The following PKD1 variants were observed in gnomAD, a reference collection of about 807,000 sequenced individuals.
PKD1 encodes polycystin 1, transient receptor potential channel interacting.
A neutral mutation model predicts 361.7 loss-of-function variants in PKD1; 81 were observed. The observed-to-expected ratio is 0.22, with a 90% CI of 0.19 to 0.27. The LOEUF is 0.27. Ranked by LOEUF, PKD1 falls within the 10% of genes least tolerant of loss-of-function variation. PKD1 has a pLI of 1.00. For synonymous variants in PKD1, 3,615 were observed against 2,818.3 expected (o/e 1.28, Z -8.95); for missense variants, 6,399 against 6,118.3 (o/e 1.05, Z -1.53).
In PKD1 at chr16:2,110,216, G is replaced by A; in HGVS notation, c.4951C>T (p.Gln1651Ter). Residue 1651 changes from glutamine to a stop codon, truncating the protein, a stop_gained, in exon 15 of 46, where the codon CAG becomes TAG. Transcript: ENST00000262304. LOFTEE classifies it high-confidence loss of function. The part of the protein sequence containing the change: ...GRYFPTNHTV[Q>*]LQAVVRDGTN... ...CCATCCCTAACCACGGCCTGCAGCT[G>A]TACCGTGTGGTTGGTGGGGAAGTAG... 1 of 1,611,978 alleles carries A rather than the reference G, an allele frequency of 6.2e-7. No individual in the cohort carries two copies. Among genetic ancestry groups the A allele is most frequent in the Non-Finnish European group, 8.5e-7 (1 of 1,179,800 alleles).
At position 2,089,716 on chromosome 16, in the gene PKD1, A is replaced by G; in HGVS notation, c.*11T>C. On this transcript the variant is annotated 3_prime_UTR_variant, in exon 46 of 46. Transcript: ENST00000262304. ...TCCGACTCCACGGCCCACCCCCGCC[A>G]GGAAGGAGGACTAAGTGCTGCTGGG... 2 of 1,572,342 alleles carry G rather than the reference A, an allele frequency of 1.3e-6. No homozygotes were observed. Among genetic ancestry groups the G allele is most frequent in the African/African-American group, 2.7e-5 (2 of 74,522 alleles).
At chr16:2,092,682 C>G (rs1274208180) in intron 38 of PKD1, 90 bp from the exon 39 acceptor site, 3 of 979,070 alleles carry the variant, frequency 3.1e-6, no homozygotes, top group African/African-American at 1.6e-5. Context: ...AACATGGCTC[C>G]CACTGCCCTG....
chr16:2,090,989 G>C lies in PKD1; in HGVS notation c.11898C>G (p.Phe3966Leu). The C allele has an allele frequency of 1.3e-6, 2 of 1,536,154 alleles. No individual in the cohort carries two copies. Among genetic ancestry groups the C allele is most frequent in the South Asian group, 1.2e-5 (1 of 84,438 alleles). ...TGAAGCGGCGCGGGCGGCCGCGCACGAAACGGGTCCACTGGCGGTCAGCGG... is the reference window on the plus strand; with the variant it reads ...TGAAGCGGCGCGGGCGGCCGCGCACCAAACGGGTCCACTGGCGGTCAGCGG... ...LGAADRQWTR[F>L]VRGRPRRFTS... is the part of the protein sequence containing the mutation. Residue 3966 changes from phenylalanine (F) to leucine (L), a missense_variant, in exon 43 of 46, where the codon TTC becomes TTG. By Grantham distance (22) the Phe-to-Leu change is conservative. Transcript: ENST00000262304.
At position 2,111,665 on chromosome 16, in the gene PKD1, G is replaced by C. The variant is rs146887330; in HGVS notation, c.3502C>G (p.Pro1168Ala). 1.9e-5 allele frequency: 30 copies of C among 1,574,980 alleles called. No homozygotes were observed. Among genetic ancestry groups the C allele is most frequent in the Admixed American group, 1.3e-4 (7 of 54,292 alleles). ...GCCGGCTGGCTCTGGGTCAGGACAG[G>C]GGAGCCGTCCCCGAAGTCCCACGTG... ...LYTWDFGDGS[P>A]VLTQSQPAAN... The change falls in exon 15 of 46, where the codon CCT becomes GCT. Residue 1168 changes from proline to alanine, a missense_variant. Pro to Ala is a conservative substitution (Grantham distance 27). Transcript: ENST00000262304.
In PKD1 at chr16:2,090,276, C is replaced by T. The variant is rs774210911; in HGVS notation, c.12444+9G>A. The T allele has an allele frequency of 3.7e-6, 6 of 1,608,720 alleles. No individual in the cohort carries two copies. Among genetic ancestry groups the T allele is most frequent in the Admixed American group, 1.7e-5 (1 of 59,762 alleles). On this transcript the variant is annotated intron_variant, in intron 45 of 45. Transcript: ENST00000262304. The stretch of plus-strand genomic sequence containing the variant: ...CGTGTCCCTCTCCCCCCCACTGGGC[C>T]GTACCCACCTCCTTGACCTTGCTGA...
intron 1 of PKD1, among the ~76,000 whole-genome samples, chr16:2,130,616 C>T (rs1311730116): frequency 2.0e-5 from 3 of 152,228 alleles, no homozygotes; most frequent in African/African-American, 7.2e-5. Flanking sequence ...GAGCCAGGGG[C>T]CCCTCCGTGG....
intron 21 of PKD1, among the ~76,000 whole-genome samples, chr16:2,104,973 G>A (rs1345616840): frequency 3.5e-5 from 3 of 84,946 alleles, no homozygotes; most frequent in East Asian, 3.5e-4. Flanking sequence ...AAGGGCTAGG[G>A]GAGGGGAGGA....
At chr16:2,131,295 A>T (rs2092875586) in intron 1 of PKD1, among the ~76,000 whole-genome samples, 1 of 151,416 alleles carries the variant, frequency 6.6e-6, no homozygotes, top group Non-Finnish European at 1.5e-5. Flanking sequence ...GAGGATCACG[A>T]GGTCAGGAGA....
chr16:2,132,646 A>G (rs1163242755), intron 1 of PKD1, among the ~76,000 whole-genome samples: 1 of 151,678 alleles, frequency 6.6e-6, no homozygotes, highest in East Asian at 1.9e-4. Flanking sequence ...TTGGCTCTTA[A>G]TTCAAACTAT....
In PKD1 at chr16:2,131,075, A is replaced by G. The variant is rs1184849806; in HGVS notation, c.215+4400T>C. 3.3e-5 allele frequency among the ~76,000 whole-genome samples: 5 copies of G among 152,328 alleles called. No homozygotes were observed. The East Asian group carries it at 9.6e-4, about 29-fold the overall frequency. Reference sequence around the variant, plus strand: ...CTCCAACGACCAATTTACAAGAAACACAAAGCACACACTCACAGCACCACG... The same window carrying G: ...CTCCAACGACCAATTTACAAGAAACGCAAAGCACACACTCACAGCACCACG... On this transcript the variant is annotated intron_variant, in intron 1 of 45. Coordinates refer to ENST00000262304, the MANE Select transcript of PKD1 (RefSeq NM_001009944.3).
chr16:2,128,545 C>T (rs1339959711), intron 1 of PKD1, among the ~76,000 whole-genome samples: 1 of 152,162 alleles, frequency 6.6e-6, no homozygotes, highest in East Asian at 1.9e-4. Context: ...ATGAAATCAT[C>T]ACCACGGCTT....
chr16:2,091,148 G>A lies in PKD1; in HGVS notation c.11739C>T (p.His3913=), dbSNP rs748113113. ...AAGTACGGGCCTCGGCCACGGCGAAGTGCACGGCGAACAGCAGCAGGCACA... is the reference window on the plus strand; with the variant it reads ...AAGTACGGGCCTCGGCCACGGCGAAATGCACGGCGAACAGCAGCAGGCACA... ...TSVCLLLFAV[H]FAVAEARTWH... The change falls in exon 43 of 46, where the codon CAC becomes CAT. Residue 3913 remains histidine, a synonymous_variant. Transcript: ENST00000262304. 1.3e-5 allele frequency: 19 copies of A among 1,478,836 alleles called. No homozygotes were observed. The highest frequency in any genetic ancestry group is 4.6e-5 in the Admixed American group (2 of 43,228). 91.6% of individuals were successfully genotyped at this position (1,478,836 alleles called of 1,614,324 possible). A position where few individuals can be genotyped will look rare whatever the true frequency, so the allele number is the denominator to read the frequency against.
rs149056734 is a variant in PKD1 at position 2,102,188 on chromosome 16, G to A, written c.9270C>T (p.Val3090=). ...CCAGCTTGTGCAGGATGGCGGCCAT[G>A]ACCATGTAGGTCACCAGGCACACAG... The part of the protein sequence containing the change: ...TCAVCLVTYM[V]MAAILHKLDQ... Residue 3090 remains valine, a synonymous_variant, in exon 26 of 46, where the codon GTC becomes GTT. Transcript: ENST00000262304. 0.011 allele frequency: 15,992 copies of A among 1,507,574 alleles called. 180 individuals are homozygous for A. Among genetic ancestry groups the A allele is most frequent in the Middle Eastern group, 0.023 (99 of 4,244 alleles). 93.4% of individuals were successfully genotyped at this position (1,507,574 alleles called of 1,614,324 possible). A position where few individuals can be genotyped will look rare whatever the true frequency, so the allele number is the denominator to read the frequency against.
chr16:2,095,735 C>T (rs1433601275), intron 34 of PKD1, among the ~76,000 whole-genome samples: 1 of 152,216 alleles, frequency 6.6e-6, no homozygotes, highest in Admixed American at 6.5e-5. Flanking sequence ...GAGCAAGGGA[C>T]GGCCAAGGGT....
At chr16:2,091,718 G>A (rs1452418815) in intron 41 of PKD1, 63 bp downstream of exon 41, 41 of 1,592,984 alleles carry the variant, frequency 2.6e-5, no homozygotes, top group Non-Finnish European at 3.2e-5. Context: ...CCGGAGGAGT[G>A]AGGGTGGGCT....
chr16:2,130,887 G>T (rs1369977577), intron 1 of PKD1, among the ~76,000 whole-genome samples: 2 of 152,162 alleles, frequency 1.3e-5, no homozygotes, highest in African/African-American at 2.4e-5. Flanking sequence ...CCCAGTCCTG[G>T]ACCCCAGCAT....
At position 2,100,388 on chromosome 16, in the gene PKD1, G is replaced by A. The variant is rs760923210; in HGVS notation, c.9568+8C>T. 8.7e-6 allele frequency: 14 copies of A among 1,611,050 alleles called. No individual in the cohort carries two copies. Among genetic ancestry groups the A allele is most frequent in the South Asian group, 3.3e-5 (3 of 90,996 alleles). On this transcript the variant is annotated splice_region_variant and intron_variant, in intron 27 of 45. Coordinates refer to ENST00000262304, the MANE Select transcript of PKD1 (RefSeq NM_001009944.3). This position sits in a 1 kb window ranked among gnomAD's most constrained non-coding sequence, Gnocchi z 4.4. Reference sequence around the variant, plus strand: ...AGAGGGGCAGAGCTTGGCAGGGTCCGCACAAACCTTTGTTGTCGTGCCACA... The same window carrying A: ...AGAGGGGCAGAGCTTGGCAGGGTCCACACAAACCTTTGTTGTCGTGCCACA...
In PKD1 at chr16:2,104,562, C is replaced by G; in HGVS notation, c.8097G>C (p.Gln2699His). 6.2e-7 allele frequency: 1 copy of G among 1,600,652 alleles called. No homozygotes were observed. The highest frequency in any genetic ancestry group is 8.5e-7 in the Non-Finnish European group (1 of 1,175,856). The change falls in exon 22 of 46, where the codon CAG becomes CAC. Residue 2699 changes from glutamine to histidine, a missense_variant. Physicochemically the swap from Gln to His is conservative, Grantham distance 24. Coordinates refer to ENST00000262304, the MANE Select transcript of PKD1 (RefSeq NM_001009944.3). ...TCACGGTGCCCGCGGTGGTCTCTGC[C>G]TGCAGGATGAGCATCATGGCCTCCA... ...HKLEAMMLIL[Q>H]AETTAGTVTP...
chr16:2,110,153 T>A lies in PKD1; in HGVS notation c.5014A>T (p.Arg1672Trp). ...VSYSWTAWRD[R>W]GPALAGSGKG... ...CCGCTGCCGGCCAGGGCCGGGCCCCTGTCCCTCCAGGCAGTCCAGCTGTAG... is the reference window on the plus strand; with the variant it reads ...CCGCTGCCGGCCAGGGCCGGGCCCCAGTCCCTCCAGGCAGTCCAGCTGTAG... The change falls in exon 15 of 46, where the codon AGG (arginine) becomes TGG (tryptophan). Residue 1672 changes from arginine (R) to tryptophan (W), a missense_variant. By Grantham distance (101) the Arg-to-Trp change is moderately radical (BLOSUM62 -3). Coordinates refer to ENST00000262304, the MANE Select transcript of PKD1 (RefSeq NM_001009944.3). The A allele has an allele frequency of 1.2e-6, 2 of 1,610,330 alleles. No homozygotes were observed. The highest frequency in any genetic ancestry group is 1.7e-6 in the Non-Finnish European group (2 of 1,179,616).
Sources: gnomAD v4.1 joint callset for allele counts (sites outside exome capture counted in the v4.1 genomes callset) on GRCh38, gnomAD v4.1.1 for gene constraint, Gnocchi (gnomAD v3.1) non-coding constraint, MANE v1.5 for transcripts, NCBI Gene and HGNC (gene_info 2026-07-23, HGNC 2026-07-21) for gene names.